Variants in PDGFC observed in about 807,000 individuals in gnomAD.
The protein encoded by PDGFC is platelet-derived growth factor C.
A neutral mutation model predicts 35.5 loss-of-function variants in PDGFC; 12 were observed. That is an observed-to-expected ratio of 0.34 (90% CI 0.22 to 0.55). The LOEUF is 0.55. Among genes scored for constraint, PDGFC ranks in the 20% least tolerant of loss-of-function variants. The probability of loss-of-function intolerance (pLI) is 0.91; values close to 1 mark genes in which losing one functional copy is unlikely to be tolerated. For missense variants in PDGFC, 322 were observed against 412.4 expected, an observed-to-expected ratio of 0.78 and a Z score of 1.90; for synonymous variants, 159 against 148.8, an observed-to-expected ratio of 1.07 and a Z score of -0.50.
At chr4:156,775,200 T>C (rs1730796716) in intron 3 of PDGFC, among the ~76,000 whole-genome samples, 1 of 152,190 alleles carries the variant, frequency 6.6e-6, no homozygotes, top group Non-Finnish European at 1.5e-5. Flanking sequence ...GGTTTTAATT[T>C]TAATTTAGCT....
intron 2 of PDGFC, among the ~76,000 whole-genome samples, chr4:156,831,414 C>T (rs1341468151): frequency 6.6e-6 from 1 of 150,876 alleles, no homozygotes; most frequent in African/African-American, 2.4e-5. Flanking sequence ...TTGAGGCCAG[C>T]CTAGACAACA....
intron 3 of PDGFC, among the ~76,000 whole-genome samples, chr4:156,809,591 A>G (rs1648569929): frequency 6.6e-6 from 1 of 151,982 alleles, no homozygotes. Context: ...TACATATACT[A>G]TGTCTACTAT....
chr4:156,769,883 T>C (rs557219735), intron 4 of PDGFC, among the ~76,000 whole-genome samples: 2 of 152,038 alleles, frequency 1.3e-5, no homozygotes, highest in Non-Finnish European at 2.9e-5. Context: ...AGACTTAAAA[T>C]ATGCACAAAC....
chr4:156,933,744 A>G lies in PDGFC; in HGVS notation c.118+37042T>C, dbSNP rs139565895. Among the ~76,000 whole-genome samples, 26 of 152,090 alleles carry G rather than the reference A, an allele frequency of 1.7e-4. No individual in the cohort carries two copies. The East Asian group carries it at 5.0e-3, about 30-fold the overall frequency. The stretch of plus-strand genomic sequence containing the variant: ...CTGGATCATAAGAGCATTTTCCCTC[A>G]TGTTGTTCTTGTGATAGAGAATGAG... On this transcript the variant is annotated intron_variant, in intron 1 of 5. Transcript: ENST00000502773.
intron 2 of PDGFC, among the ~76,000 whole-genome samples, chr4:156,838,410 C>T (rs555855289): frequency 6.6e-6 from 1 of 152,332 alleles, no homozygotes; most frequent in African/African-American, 2.4e-5. Context: ...TGGTCCAAAC[C>T]AGGCCAATCA....
At chr4:156,918,232 A>G (rs1208978501) in intron 1 of PDGFC, among the ~76,000 whole-genome samples, 4 of 152,206 alleles carry the variant, frequency 2.6e-5, no homozygotes, top group Admixed American at 2.6e-4. Flanking sequence ...ATTTCAAAAA[A>G]GTTTTAAATT....
chr4:156,868,442 T>C (rs550029888), intron 1 of PDGFC, among the ~76,000 whole-genome samples: 1 of 152,246 alleles, frequency 6.6e-6, no homozygotes, highest in East Asian at 1.9e-4. Context: ...TCACCAACAT[T>C]TAAAACAACA....
At chr4:156,775,755 T>G (rs1253817871) in intron 3 of PDGFC, among the ~76,000 whole-genome samples, 1 of 152,170 alleles carries the variant, frequency 6.6e-6, no homozygotes, top group African/African-American at 2.4e-5. Flanking sequence ...TGTGAAAGGT[T>G]GGGAGAAAAG....
At chr4:156,832,525 G>A (rs1332408030) in intron 2 of PDGFC, among the ~76,000 whole-genome samples, 3 of 152,132 alleles carry the variant, frequency 2.0e-5, no homozygotes, top group Non-Finnish European at 4.4e-5. Flanking sequence ...AAAGTGCTGG[G>A]ATTATAGGTG....
chr4:156,909,778 C>A (rs1730997028), intron 1 of PDGFC, among the ~76,000 whole-genome samples: 1 of 152,116 alleles, frequency 6.6e-6, no homozygotes. Context: ...GTCCTAACCC[C>A]TTGAACCTGT....
intron 1 of PDGFC, among the ~76,000 whole-genome samples, chr4:156,867,634 G>T (rs1223709526): frequency 2.0e-5 from 3 of 152,086 alleles, no homozygotes; most frequent in Non-Finnish European, 4.4e-5. Context: ...TCTAGAAAAA[G>T]ATTAGAGAAT....
At chr4:156,960,464 T>C (rs1199572932) in intron 1 of PDGFC, among the ~76,000 whole-genome samples, 1 of 150,318 alleles carries the variant, frequency 6.7e-6, no homozygotes, top group East Asian at 2.0e-4. Flanking sequence ...CACACACACG[T>C]GTGTGTGTGT....
At chr4:156,937,794 A>G (rs573060394) in intron 1 of PDGFC, among the ~76,000 whole-genome samples, 1 of 152,342 alleles carries the variant, frequency 6.6e-6, no homozygotes, top group East Asian at 1.9e-4. Context: ...TCCTGTGTTT[A>G]CACAATACAA....
chr4:156,826,391 C>A (rs548342551), intron 2 of PDGFC, among the ~76,000 whole-genome samples: 9 of 151,698 alleles, frequency 5.9e-5, no homozygotes, highest in African/African-American at 2.2e-4. Flanking sequence ...TTAGTAGAGA[C>A]AGGGTTTCAC....
Position 156,812,647 on chromosome 4 carries a change from ATTATAC to A in PDGFC, c.315-1636_315-1631del, listed in dbSNP as rs199920780. 3.9e-5 allele frequency among the ~76,000 whole-genome samples: 6 copies of A among 152,278 alleles called. No homozygotes were observed. The East Asian group carries it at 1.2e-3, about 29-fold the overall frequency. ...AAAAGACAAAGTGTATAATGAAACAATTATACTTATAAATCTGAAGTATCCAAAACT... is the reference window on the plus strand; with the variant it reads ...AAAAGACAAAGTGTATAATGAAACAATTATAAATCTGAAGTATCCAAAACT... On this transcript the variant is annotated intron_variant, in intron 2 of 5. Coordinates refer to ENST00000502773, the MANE Select transcript of PDGFC (RefSeq NM_016205.3).
intron 3 of PDGFC, among the ~76,000 whole-genome samples, chr4:156,787,375 C>T (rs1560811200): frequency 1.3e-5 from 2 of 152,068 alleles, no homozygotes; most frequent in Non-Finnish European, 2.9e-5. Context: ...GAGGATTTTC[C>T]ACTGAATTTA....
intron 1 of PDGFC, among the ~76,000 whole-genome samples, chr4:156,919,485 G>A (rs1241664386): frequency 9.8e-5 from 3 of 30,548 alleles, no homozygotes; most frequent in Admixed American, 9.4e-4. Context: ...TTTCTCACAC[G>A]CATTTTTTCC....
chr4:156,925,680 T>C (rs1731392428), intron 1 of PDGFC, among the ~76,000 whole-genome samples: 2 of 151,098 alleles, frequency 1.3e-5, no homozygotes, highest in African/African-American at 4.9e-5. Flanking sequence ...GGAGATCATC[T>C]ACATACATAC....
intron 1 of PDGFC, among the ~76,000 whole-genome samples, chr4:156,949,191 A>G (rs1732020192): frequency 6.6e-6 from 1 of 151,966 alleles, no homozygotes; most frequent in Non-Finnish European, 1.5e-5. Context: ...TGAAAGATTC[A>G]TGATTATTCT....
Sources: gnomAD v4.1 joint callset for allele counts (sites outside exome capture counted in the v4.1 genomes callset) on GRCh38, gnomAD v4.1.1 for gene constraint, MANE v1.5 for transcripts, NCBI Gene and HGNC (gene_info 2026-07-23, HGNC 2026-07-21) for gene names.